CLIP3: variants seen among roughly 807,000 people sequenced by gnomAD.
CLIP3 encodes the protein CAP-Gly domain-containing linker protein 3.
CLIP3 carries 15 observed loss-of-function variants against 59.4 expected under a neutral mutation model. The ratio of observed to expected loss-of-function variants is 0.25; its 90% CI spans 0.17 to 0.39. The LOEUF is 0.39. Ranked by LOEUF, CLIP3 falls within the 10% of genes least tolerant of loss-of-function variation. The probability of loss-of-function intolerance (pLI) is 1.00; values close to 1 mark genes in which losing one functional copy is unlikely to be tolerated. For synonymous variants in CLIP3, 300 were observed against 321.6 expected, an observed-to-expected ratio of 0.93 and a Z score of 0.72; for missense variants, 495 against 765.7, an observed-to-expected ratio of 0.65 and a Z score of 4.17.
At chr19:36,031,085 G>A (rs190817008) in intron 2 of CLIP3, among the ~76,000 whole-genome samples, 5 of 123,510 alleles carry the variant, frequency 4.0e-5, no homozygotes, top group African/African-American at 1.3e-4. Context: ...GTAGTGGCTC[G>A]ATCTTGGGCA....
At chr19:36,021,335 G>T (rs1568541233) in intron 7 of CLIP3, among the ~76,000 whole-genome samples, 1 of 151,850 alleles carries the variant, frequency 6.6e-6, no homozygotes, top group Non-Finnish European at 1.5e-5. Context: ...CCATGCCAGG[G>T]GTGCAGTGGC....
intron 12 of CLIP3, 62 bp downstream of exon 12, chr19:36,017,324 C>A (rs1968823363): frequency 2.0e-6 from 3 of 1,487,262 alleles, no homozygotes; most frequent in Non-Finnish European, 2.8e-6. Context: ...ACCTGAGAAC[C>A]CATGACCCTT....
rs746438371 is a variant in CLIP3 at position 36,016,238 on chromosome 19, G to A, written c.1590-26C>T. The A allele has an allele frequency of 1.9e-6, 3 of 1,613,692 alleles. No homozygotes were observed. In the African/African-American group the frequency reaches 4.0e-5, roughly 22 times the overall value. ...CTGGAAAGGAGGATGACAGGGTCAC[G>A]CCCTTAGGCAGGCAGCGGGGACATC... On this transcript the variant is annotated intron_variant, in intron 13 of 13. Coordinates refer to ENST00000360535, the MANE Select transcript of CLIP3 (RefSeq NM_015526.3). The surrounding 1 kb of genome is among the most constrained non-coding windows in gnomAD (Gnocchi z 4.1).
In CLIP3 at chr19:36,019,300, T is replaced by C; in HGVS notation, c.925A>G (p.Thr309Ala). 1 of 1,611,800 alleles carries C rather than the reference T, an allele frequency of 6.2e-7. No homozygotes were observed. Among genetic ancestry groups the C allele is most frequent in the Non-Finnish European group, 8.5e-7 (1 of 1,179,652 alleles). The stretch of plus-strand genomic sequence containing the variant: ...TCCGTGGTCCCACAGAACCGCAGTG[T>C]GCCCGTCTGGGGAGAGAAGGGAGGC... ...RVLLDGQKTG[T>A]LRFCGTTEFA... The change falls in exon 8 of 14, where the codon ACA becomes GCA. Residue 309 changes from threonine to alanine, a missense_variant. By Grantham distance (58) the Thr-to-Ala change is moderately conservative. Around this residue, in one of 5 missense-constraint regions of CLIP3, gnomAD observed 194 missense variants for 327.8 expected, o/e 0.59. Transcript: ENST00000360535.
In CLIP3 at chr19:36,015,951, C is replaced by A. The variant is rs1968785287; in HGVS notation, c.*207G>T. ...AGCCTGAAGGTGCTACTCAGGGAAT[C>A]TCTTTCTGGGTGACATGGGGTCTGT... On this transcript the variant is annotated 3_prime_UTR_variant, in exon 14 of 14. Coordinates refer to ENST00000360535, the MANE Select transcript of CLIP3 (RefSeq NM_015526.3). 1 of 611,646 alleles carries A rather than the reference C, an allele frequency of 1.6e-6. No homozygotes were observed. The highest frequency in any genetic ancestry group is 1.8e-5 in the African/African-American group (1 of 54,226). The allele number at this position is 611,646 out of a possible 1,614,324, so 37.9% of individuals were successfully genotyped here.
intron 7 of CLIP3, among the ~76,000 whole-genome samples, chr19:36,022,290 A>C (rs1968973150): frequency 6.6e-6 from 1 of 152,140 alleles, no homozygotes; most frequent in South Asian, 2.1e-4. Flanking sequence ...ACGCATTTTA[A>C]TTAATTTAAA....
Position 36,017,674 on chromosome 19 carries a change from G to C in CLIP3, c.1432C>G (p.Pro478Ala). ...GCTCACCTCTGAATACGGGATGCTG[G>C]TGCGAAGACCCCATGCCTCGGGGGG... ...TCPPRHGVFA[P>A]ASRIQRIGGS... Residue 478 changes from proline to alanine, a missense_variant, in exon 11 of 14, where the codon CCA (proline) becomes GCA (alanine). By Grantham distance (27) the Pro-to-Ala change is conservative (BLOSUM62 -1). This residue lies in a region of CLIP3 where 179 missense variants were observed against 226.2 expected (regional missense o/e 0.79). Transcript: ENST00000360535. 6.2e-7 allele frequency: 1 copy of C among 1,614,094 alleles called. No individual in the cohort carries two copies. Among genetic ancestry groups the C allele is most frequent in the Non-Finnish European group, 8.5e-7 (1 of 1,180,030 alleles).
intron 2 of CLIP3, among the ~76,000 whole-genome samples, chr19:36,029,607 A>C (rs1412983878): frequency 6.6e-6 from 1 of 151,788 alleles, no homozygotes; most frequent in Non-Finnish European, 1.5e-5. Flanking sequence ...ATTTATTTTT[A>C]TCATAGCTCA....
chr19:36,027,310 G>T (rs1229617602), intron 2 of CLIP3, 39 bp from the exon 3 acceptor site: 1 of 1,555,276 alleles, frequency 6.4e-7, no homozygotes, highest in Admixed American at 1.9e-5. Flanking sequence ...CCACGCAACT[G>T]ACCCCCTCCT....
chr19:36,032,256 G>C lies in CLIP3; in HGVS notation c.102C>G (p.Thr34=). The change falls in exon 2 of 14, where the codon ACC becomes ACG. Residue 34 remains threonine (T), a synonymous_variant. Transcript: ENST00000360535. This position sits in a 1 kb window ranked among gnomAD's most constrained non-coding sequence, Gnocchi z 4.3. The part of the protein sequence containing the change: ...DEPVPEAPSP[T]QERRQKPVVH... ...CAACAGGCTTCTGCCGGCGCTCCTG[G>C]GTGGGGCTGGGGGCCTCGGGGACGG... The C allele has an allele frequency of 2.3e-6, 3 of 1,305,138 alleles. No individual in the cohort carries two copies. Among genetic ancestry groups the C allele is most frequent in the Non-Finnish European group, 2.9e-6 (3 of 1,017,158 alleles). The allele number at this position is 1,305,138 out of a possible 1,614,324, so 80.8% of individuals were successfully genotyped here.
intron 2 of CLIP3, among the ~76,000 whole-genome samples, chr19:36,028,482 C>T (rs1035903633): frequency 3.3e-5 from 5 of 152,218 alleles, no homozygotes; most frequent in African/African-American, 1.2e-4. Flanking sequence ...CTCTCTGTGA[C>T]GTCAGCACCC....
chr19:36,026,828 G>A lies in CLIP3; in HGVS notation c.401-81C>T. On this transcript the variant is annotated intron_variant, in intron 4 of 13. Transcript: ENST00000360535. The surrounding 1 kb of genome is among the most constrained non-coding windows in gnomAD (Gnocchi z 6.3). ...CACGGGGAGGACCCTGGGCTTCAGG[G>A]ACTATACTTTGGGATCCGAAGCTTC... The A allele has an allele frequency of 6.5e-7, 1 of 1,548,516 alleles. No homozygotes were observed. Among genetic ancestry groups the A allele is most frequent in the South Asian group, 1.2e-5 (1 of 86,034 alleles).
chr19:36,021,048 T>G (rs1968938709), intron 7 of CLIP3, among the ~76,000 whole-genome samples: 1 of 151,972 alleles, frequency 6.6e-6, no homozygotes, highest in African/African-American at 2.4e-5. Context: ...AACAACAAAC[T>G]TTTGTTAAAA....
At position 36,026,106 on chromosome 19, in the gene CLIP3, G is replaced by C. The variant is rs1315367679; in HGVS notation, c.681+41C>G. ...TGCTGGAGGGAAGTGGGGGAGGAAG[G>C]GAGCAGGAGGGTAACGGGTTCTGGG... On this transcript the variant is annotated intron_variant, in intron 6 of 13. Coordinates refer to ENST00000360535, the MANE Select transcript of CLIP3 (RefSeq NM_015526.3). The surrounding 1 kb of genome is among the most constrained non-coding windows in gnomAD (Gnocchi z 6.3). 1 of 1,475,670 alleles carries C rather than the reference G, an allele frequency of 6.8e-7. No homozygotes were observed. The highest frequency in any genetic ancestry group is 1.7e-5 in the Admixed American group (1 of 58,580). 91.4% of individuals were successfully genotyped at this position (1,475,670 alleles called of 1,614,324 possible).
chr19:36,028,396 G>A (rs923850645), intron 2 of CLIP3, among the ~76,000 whole-genome samples: 12 of 152,248 alleles, frequency 7.9e-5, no homozygotes, highest in African/African-American at 2.9e-4. Context: ...TCCATGAGCA[G>A]GAATCAACCT....
chr19:36,032,249 G>A lies in CLIP3; in HGVS notation c.109C>T (p.Arg37Cys). The change falls in exon 2 of 14, where the codon CGC becomes TGC. Residue 37 changes from arginine (R) to cysteine (C), a missense_variant. Physicochemically the swap from Arg to Cys is radical, Grantham distance 180 (BLOSUM62 -3). This residue lies in a region of CLIP3 where 90 missense variants were observed against 105.2 expected (regional missense o/e 0.86). Transcript: ENST00000360535. The surrounding 1 kb of genome is among the most constrained non-coding windows in gnomAD (Gnocchi z 4.3). Reference protein sequence around the residue: ...VPEAPSPTQERRQKPVVHPSA... With the variant: ...VPEAPSPTQECRQKPVVHPSA... ...GGGTGCACAACAGGCTTCTGCCGGC[G>A]CTCCTGGGTGGGGCTGGGGGCCTCG... The A allele has an allele frequency of 7.7e-7, 1 of 1,303,058 alleles. No individual in the cohort carries two copies. 80.7% of individuals were successfully genotyped at this position (1,303,058 alleles called of 1,614,324 possible).
chr19:36,022,794 G>A (rs568350105), intron 7 of CLIP3, among the ~76,000 whole-genome samples: 13 of 152,114 alleles, frequency 8.5e-5, no homozygotes, highest in African/African-American at 2.7e-4. Flanking sequence ...GGTGGCTCAC[G>A]CCTGTAATCC....
chr19:36,023,566 C>CTT (rs75730971), intron 7 of CLIP3, among the ~76,000 whole-genome samples: 3 of 143,390 alleles, frequency 2.1e-5, no homozygotes, highest in Non-Finnish European at 3.1e-5. Flanking sequence ...CAGAAATTAC[C>CTT]TTTTTTTTTT....
chr19:36,021,302 T>TA (rs1458430282), intron 7 of CLIP3, among the ~76,000 whole-genome samples: 93 of 151,564 alleles, frequency 6.1e-4, no homozygotes, highest in African/African-American at 2.0e-3. Flanking sequence ...TTTTTTTTTT[T>TA]AGACAGGGTC....
Sources: allele counts gnomAD v4.1 joint callset (sites outside exome capture counted in the v4.1 genomes callset), GRCh38; gene constraint gnomAD v4.1.1; regional missense constraint gnomAD v4.1.1; non-coding constraint Gnocchi (gnomAD v3.1); transcripts MANE v1.5; gene names NCBI Gene and HGNC (gene_info 2026-07-23, HGNC 2026-07-21).